Variants in STK39 observed in about 807,000 individuals in gnomAD.
The protein encoded by STK39 is serine/threonine kinase 39, also known as STE20/SPS1-related proline-alanine-rich protein kinase.
STK39 carries 20 observed loss-of-function variants against 77.8 expected under a neutral mutation model. The observed-to-expected ratio is 0.26, with a 90% CI of 0.18 to 0.37. STK39 has a LOEUF of 0.37. Ranked by LOEUF, STK39 falls within the 10% of genes least tolerant of loss-of-function variation. STK39 has a pLI of 1.00. For synonymous variants in STK39, 246 were observed against 234.1 expected (o/e 1.05, Z -0.47); for missense variants, 479 against 656.5 (o/e 0.73, Z 2.95).
chr2:168,071,813 A>G (rs971311247), intron 12 of STK39, among the ~76,000 whole-genome samples: 3 of 151,076 alleles, frequency 2.0e-5, no homozygotes, highest in African/African-American at 7.3e-5. Context: ...CAGCTTGCAG[A>G]GAGCCGAGAT....
At chr2:168,096,069 C>T (rs2105442096) in intron 10 of STK39, among the ~76,000 whole-genome samples, 1 of 152,246 alleles carries the variant, frequency 6.6e-6, no homozygotes, top group East Asian at 1.9e-4. Flanking sequence ...CATAGGGTTA[C>T]AGTGTTCAGG....
At position 168,063,550 on chromosome 2, in the gene STK39, T is replaced by G. The variant is rs553932507; in HGVS notation, c.1326A>C (p.Glu442Asp). The G allele has an allele frequency of 1.5e-5, 25 of 1,613,016 alleles. No homozygotes were observed. In the South Asian group the frequency reaches 2.5e-4, roughly 16 times the overall value. The change falls in exon 14 of 18, where the codon GAA (glutamate) becomes GAC (aspartate). Residue 442 changes from glutamate to aspartate, a missense_variant. By Grantham distance (45) the Glu-to-Asp change is conservative (BLOSUM62 2). Coordinates refer to ENST00000355999, the MANE Select transcript of STK39 (RefSeq NM_013233.3). Reference sequence around the variant, plus strand: ...CACAAGAAGAAGCTTCTCTGTAGTCTTCATTAGCATTGGGTGGGCCCTTTA... The same window carrying G: ...CACAAGAAGAAGCTTCTCTGTAGTCGTCATTAGCATTGGGTGGGCCCTTTA... ...HDSQGPPNANEDYREASSCAV... is the reference protein window; with the variant it reads ...HDSQGPPNANDDYREASSCAV...
rs183412458 is a variant in STK39 at position 168,001,401 on chromosome 2, C to T, written c.1498+11233G>A. ...CGGCAGGTGACCAGTCCAGATCTCT[C>T]GTTTTAAAATGAATCTGGGGTACAT... is the stretch of plus-strand genomic sequence containing the variant. On this transcript the variant is annotated intron_variant, in intron 16 of 17. Coordinates refer to ENST00000355999, the MANE Select transcript of STK39 (RefSeq NM_013233.3). 2.0e-4 allele frequency among the ~76,000 whole-genome samples: 31 copies of T among 151,934 alleles called. No individual in the cohort carries two copies. The East Asian group carries it at 4.4e-3, about 22-fold the overall frequency.
intron 1 of STK39, among the ~76,000 whole-genome samples, chr2:168,194,174 G>A (rs191744912): frequency 6.6e-6 from 1 of 152,320 alleles, no homozygotes; most frequent in Non-Finnish European, 1.5e-5. Context: ...AGCACTTTGG[G>A]AGGCCGACAT....
At chr2:168,236,232 T>C (rs1418965823) in intron 1 of STK39, among the ~76,000 whole-genome samples, 2 of 152,254 alleles carry the variant, frequency 1.3e-5, no homozygotes, top group Non-Finnish European at 2.9e-5. Flanking sequence ...TTCATGTGTC[T>C]TTTGGCTGCA....
chr2:168,193,197 A>G (rs1232397274), intron 1 of STK39, among the ~76,000 whole-genome samples: 1 of 151,764 alleles, frequency 6.6e-6, no homozygotes, highest in East Asian at 1.9e-4. Flanking sequence ...TTATAACCCA[A>G]CTCCTGCTTT....
intron 16 of STK39, among the ~76,000 whole-genome samples, chr2:167,989,501 C>G (rs1234069964): frequency 6.6e-6 from 1 of 152,130 alleles, no homozygotes; most frequent in Admixed American, 6.5e-5. Flanking sequence ...TTTAAATAGT[C>G]AACCAATGCT....
chr2:168,071,551 T>C (rs568070816), intron 12 of STK39, among the ~76,000 whole-genome samples: 1 of 152,174 alleles, frequency 6.6e-6, no homozygotes, highest in Non-Finnish European at 1.5e-5. Context: ...AGAAGCTGTA[T>C]ATACTGATTG....
At chr2:168,178,536 T>C (rs1011715422) in intron 2 of STK39, among the ~76,000 whole-genome samples, 7 of 152,202 alleles carry the variant, frequency 4.6e-5, no homozygotes, top group Non-Finnish European at 7.3e-5. Context: ...ATCCTTTTGA[T>C]GGGCTTAAGC....
At chr2:168,023,470 G>C (rs1472997815) in intron 14 of STK39, among the ~76,000 whole-genome samples, 3 of 152,070 alleles carry the variant, frequency 2.0e-5, no homozygotes, top group Admixed American at 1.3e-4. Context: ...AGGCAGGTGC[G>C]ATTGAAGTAT....
chr2:168,145,626 G>A (rs1374333294), intron 5 of STK39, among the ~76,000 whole-genome samples: 5 of 152,076 alleles, frequency 3.3e-5, no homozygotes, highest in South Asian at 2.1e-4. Context: ...AATTTAGTCC[G>A]CAAAACTAAA....
chr2:168,107,926 G>A lies in STK39; in HGVS notation c.1089+21615C>T, dbSNP rs577083780. On this transcript the variant is annotated intron_variant, in intron 10 of 17. Coordinates refer to ENST00000355999, the MANE Select transcript of STK39 (RefSeq NM_013233.3). ...TTTCGCATCACTAATGGCATTTACCGAGGAATCCAGTTAGTGATTCTCAAC... is the reference window on the plus strand; with the variant it reads ...TTTCGCATCACTAATGGCATTTACCAAGGAATCCAGTTAGTGATTCTCAAC... Among the ~76,000 whole-genome samples the A allele has an allele frequency of 1.6e-4, 25 of 152,272 alleles. No homozygotes were observed. The East Asian group carries it at 4.4e-3, about 27-fold the overall frequency.
chr2:168,184,714 A>T (rs6705211), intron 1 of STK39, among the ~76,000 whole-genome samples: 63,792 of 152,006 alleles, frequency 0.42, 15,091 homozygotes, highest in East Asian at 0.77. Flanking sequence ...AAAATCAACT[A>T]ACTGGGTGGA....
chr2:167,970,471 C>T (rs1692303096), intron 16 of STK39, among the ~76,000 whole-genome samples: 1 of 152,194 alleles, frequency 6.6e-6, no homozygotes, highest in African/African-American at 2.4e-5. Context: ...CAGGCACAAG[C>T]TCACAAAAGT....
chr2:167,975,350 GA>G (rs1683246343), intron 16 of STK39, among the ~76,000 whole-genome samples: 1 of 152,048 alleles, frequency 6.6e-6, no homozygotes, highest in African/African-American at 2.4e-5. Flanking sequence ...ACGAGCAGAG[GA>G]AATCTACAAT....
chr2:168,141,734 A>G (rs1464872699), intron 5 of STK39, among the ~76,000 whole-genome samples: 1 of 152,234 alleles, frequency 6.6e-6, no homozygotes, highest in East Asian at 1.9e-4. Flanking sequence ...GTGCAGTCTG[A>G]GCCCCTGCAA....
At chr2:168,038,460 A>AAC in intron 14 of STK39, among the ~76,000 whole-genome samples, 1 of 150,796 alleles carries the variant, frequency 6.6e-6, no homozygotes. Context: ...AAAAAAAAAA[A>AAC]CCCTCAGAAG....
intron 1 of STK39, among the ~76,000 whole-genome samples, chr2:168,184,196 A>C (rs1265058415): frequency 6.6e-6 from 1 of 152,244 alleles, no homozygotes; most frequent in East Asian, 1.9e-4. Context: ...CCTTGACAGT[A>C]AAAGTCTCCT....
chr2:168,070,742 A>G (rs1405802464), intron 12 of STK39, among the ~76,000 whole-genome samples: 1 of 152,076 alleles, frequency 6.6e-6, no homozygotes, highest in Non-Finnish European at 1.5e-5. Context: ...GATGGTTTCC[A>G]GCTTCATCCA....
Sources: gnomAD v4.1 joint callset for allele counts (sites outside exome capture counted in the v4.1 genomes callset) on GRCh38, gnomAD v4.1.1 for gene constraint, MANE v1.5 for transcripts, NCBI Gene and HGNC (gene_info 2026-07-23, HGNC 2026-07-21) for gene names.